Variants in MARK3 observed in about 807,000 individuals in gnomAD.
MARK3 encodes the protein MAP/microtubule affinity-regulating kinase 3.
In MARK3, 46 loss-of-function variants were observed where a neutral mutation model predicts 90.1. The ratio of observed to expected loss-of-function variants is 0.51; its 90% confidence interval spans 0.40 to 0.65. MARK3 has a LOEUF of 0.65. MARK3 is among the 30% of genes least tolerant of loss of function. The pLI is 0.00. For missense variants in MARK3, 818 were observed against 947.2 expected, an observed-to-expected ratio of 0.86 and a Z score of 1.79; for synonymous variants, 321 against 332.6, an observed-to-expected ratio of 0.97 and a Z score of 0.38.
In MARK3 at chr14:103,503,235, A is replaced by T. The variant is rs1406646410; in HGVS notation, c.*8A>T. The T allele has an allele frequency of 5.0e-6, 8 of 1,592,606 alleles. No homozygotes were observed. In the South Asian group the frequency reaches 6.7e-5, roughly 13 times the overall value. On this transcript the variant is annotated 3_prime_UTR_variant, in exon 18 of 18. Transcript: ENST00000429436. The stretch of plus-strand genomic sequence containing the variant: ...AATGAGCTAAAGCTGTAACCCAGTG[A>T]TTATGATGTAAATTAAGTAGCAATT...
chr14:103,492,354 G>A (rs2094031222), intron 15 of MARK3, among the ~76,000 whole-genome samples: 1 of 152,058 alleles, frequency 6.6e-6, no homozygotes, highest in African/African-American at 2.4e-5. Flanking sequence ...TCGAGTTCTG[G>A]TGTGGGGTGG....
intron 2 of MARK3, among the ~76,000 whole-genome samples, chr14:103,406,302 G>A (rs1416894670): frequency 1.3e-5 from 2 of 152,014 alleles, no homozygotes; most frequent in Non-Finnish European, 2.9e-5. Context: ...TCGGCTCTCT[G>A]CAACCTCCGC....
Position 103,385,972 on chromosome 14 carries a change from C to T in MARK3, c.-58C>T. 1 of 1,455,522 alleles carries T rather than the reference C, an allele frequency of 6.9e-7. No homozygotes were observed. The allele number at this position is 1,455,522 out of a possible 1,614,324, so 90.2% of individuals were successfully genotyped here. A position where few individuals can be genotyped will look rare whatever the true frequency, so the allele number is the denominator to read the frequency against. ...CTCGAGGACGCTGGTCGCCGGCCTC[C>T]TAGGGCTGTGCTGTTTTGTTTTGAC... On this transcript the variant is annotated 5_prime_UTR_variant, in exon 1 of 18. Transcript: ENST00000429436.
intron 15 of MARK3, among the ~76,000 whole-genome samples, chr14:103,497,122 AAT>A (rs1423172909): frequency 1.3e-5 from 2 of 152,166 alleles, no homozygotes; most frequent in Non-Finnish European, 2.9e-5. Flanking sequence ...TTTCAACTAA[AAT>A]ATTTTGGATA....
intron 1 of MARK3, among the ~76,000 whole-genome samples, chr14:103,387,369 C>T (rs1010263595): frequency 2.0e-5 from 3 of 152,098 alleles, no homozygotes; most frequent in Non-Finnish European, 2.9e-5. Context: ...CTTTCTCCAC[C>T]TGAGATAGAT....
chr14:103,443,014 G>C (rs559578542), intron 3 of MARK3, among the ~76,000 whole-genome samples: 45 of 150,544 alleles, frequency 3.0e-4, no homozygotes, highest in Non-Finnish European at 1.3e-4. Flanking sequence ...GTGCTGCCAG[G>C]GGGAAGGGAG....
At position 103,480,451 on chromosome 14, in the gene MARK3, C is replaced by G; in HGVS notation, c.1547C>G (p.Ala516Gly). 6 of 1,613,052 alleles carry G rather than the reference C, an allele frequency of 3.7e-6. No individual in the cohort carries two copies. Among genetic ancestry groups the G allele is most frequent in the Non-Finnish European group, 5.1e-6 (6 of 1,179,214 alleles). ...NTYVCSERTT[A>G]DRHSVIQNGK... ...TATGTTTGCAGTGAGAGAACTACAGCTGATAGACACTCAGTGATTCAGAAT... is the reference window on the plus strand; with the variant it reads ...TATGTTTGCAGTGAGAGAACTACAGGTGATAGACACTCAGTGATTCAGAAT... Residue 516 changes from alanine (A) to glycine (G), a missense_variant, in exon 14 of 18, where the codon GCT (alanine) becomes GGT (glycine). Physicochemically the swap from Ala to Gly is moderately conservative, Grantham distance 60. This residue lies in a region of MARK3 where 560 missense variants were observed against 613.5 expected (regional missense o/e 0.91). Coordinates refer to ENST00000429436, the MANE Select transcript of MARK3 (RefSeq NM_001128918.3).
chr14:103,468,667 C>A (rs1389144406), intron 12 of MARK3, among the ~76,000 whole-genome samples: 1 of 152,014 alleles, frequency 6.6e-6, no homozygotes. Context: ...GCCATGATTA[C>A]ATATTACTTC....
intron 5 of MARK3, among the ~76,000 whole-genome samples, chr14:103,454,639 TAA>T (rs1465264126): frequency 6.6e-6 from 1 of 152,230 alleles, no homozygotes; most frequent in Non-Finnish European, 1.5e-5. Context: ...AAAGTTTTAT[TAA>T]ATTGGCCACC....
chr14:103,482,518 T>TA (rs11313266), intron 14 of MARK3, among the ~76,000 whole-genome samples: 14 of 148,280 alleles, frequency 9.4e-5, no homozygotes, highest in East Asian at 2.0e-4. Context: ...AAGACTCATC[T>TA]AAAAAAAAAA....
intron 16 of MARK3, chr14:103,498,981 A>C (rs554724391): frequency 2.6e-5 from 4 of 152,504 alleles, no homozygotes; most frequent in African/African-American, 9.6e-5. Context: ...AAATTAGCTA[A>C]TACAGAAAAC....
intron 2 of MARK3, among the ~76,000 whole-genome samples, chr14:103,406,858 G>A (rs2091330191): frequency 6.6e-6 from 1 of 151,562 alleles, no homozygotes; most frequent in Non-Finnish European, 1.5e-5. Flanking sequence ...TTATGAGGCA[G>A]AGTCTCACTC....
At position 103,487,143 on chromosome 14, in the gene MARK3, C is replaced by G. The variant is rs188704078; in HGVS notation, c.1587-4634C>G. ...TGTTGGCCAGGCTGGTCTGGAACTC[C>G]TGGCCTCAAGCAATCCACCCGCCTC... On this transcript the variant is annotated intron_variant, in intron 14 of 17. Coordinates refer to ENST00000429436, the MANE Select transcript of MARK3 (RefSeq NM_001128918.3). 9.8e-4 allele frequency among the ~76,000 whole-genome samples: 148 copies of G among 151,142 alleles called. 5 individuals are homozygous for G. The East Asian group carries it at 0.025, about 26-fold the overall frequency.
intron 1 of MARK3, among the ~76,000 whole-genome samples, chr14:103,400,081 A>G (rs972618751): frequency 6.6e-6 from 1 of 152,022 alleles, no homozygotes; most frequent in Non-Finnish European, 1.5e-5. Context: ...GGCATGTGCC[A>G]CCATGCCTGG....
intron 11 of MARK3, 113 bp from the exon 12 acceptor site, chr14:103,467,920 C>G: frequency 1.9e-6 from 2 of 1,028,782 alleles, no homozygotes; most frequent in Non-Finnish European, 2.8e-6. Flanking sequence ...GTGATTCCTC[C>G]TCTCTCTGAA....
rs117408342 is a variant in MARK3, at chr14:103,386,308, C to T, written c.51+228C>T. 1.6e-3 allele frequency: 1,085 copies of T among 699,584 alleles called. 14 individuals carry two copies. The East Asian group carries it at 0.024, about 16-fold the overall frequency. 43.3% of individuals were successfully genotyped at this position (699,584 alleles called of 1,614,324 possible). A position where few individuals can be genotyped will look rare whatever the true frequency, so the allele number is the denominator to read the frequency against. ...ACATCGATTATGCCGGCAGTCTAGT[C>T]GGTTAATAAAGCCCAGGAGTTGCAG... On this transcript the variant is annotated intron_variant, in intron 1 of 17. Transcript: ENST00000429436.
intron 2 of MARK3, among the ~76,000 whole-genome samples, chr14:103,413,709 C>T (rs888009862): frequency 3.3e-5 from 5 of 151,990 alleles, no homozygotes; most frequent in Admixed American, 1.3e-4. Context: ...CCGCCTGCCT[C>T]GGCCTCCCAA....
At chr14:103,419,215 C>T (rs1209787102) in intron 2 of MARK3, among the ~76,000 whole-genome samples, 3 of 152,082 alleles carry the variant, frequency 2.0e-5, no homozygotes, top group Admixed American at 6.6e-5. Context: ...GGCGTGAACC[C>T]GGGAGGTGGA....
chr14:103,467,926 C>G (rs2093546225), intron 11 of MARK3, 107 bp from the exon 12 acceptor site: 1 of 1,111,708 alleles, frequency 9.0e-7, no homozygotes, highest in Admixed American at 2.7e-5. Flanking sequence ...CCTCCTCTCT[C>G]TGAATGAACG....
Sources: gnomAD v4.1 joint callset for allele counts (sites outside exome capture counted in the v4.1 genomes callset) on GRCh38, gnomAD v4.1.1 for gene constraint, gnomAD v4.1.1 regional missense constraint, MANE v1.5 for transcripts, NCBI Gene and HGNC (gene_info 2026-07-23, HGNC 2026-07-21) for gene names.